DMD: variants seen among roughly 807,000 people sequenced by gnomAD.
DMD encodes dystrophin.
Under a neutral mutation model 330.1 loss-of-function variants are expected in DMD, and 63 were observed. The ratio of observed to expected loss-of-function variants is 0.19; its 90% CI spans 0.16 to 0.24. The LOEUF (loss-of-function observed/expected upper bound fraction) is 0.24. Among genes scored for constraint, DMD ranks in the 10% least tolerant of loss-of-function variants. DMD has a pLI of 1.00. For synonymous variants in DMD, 1,223 were observed against 959.8 expected (o/e 1.27, Z -5.07); for missense variants, 3,344 against 2,684.1 (o/e 1.25, Z -5.43).
chrX:31,606,591 T>C (rs7057494), intron 55 of DMD, among the ~76,000 whole-genome samples: 27,949 of 110,912 alleles, frequency 0.25, 2,723 homozygotes, highest in Middle Eastern at 0.34. Flanking sequence ...TTCCTCTTCA[T>C]GGGATCACTG....
intron 1 of DMD, among the ~76,000 whole-genome samples, chrX:33,108,480 T>TA (rs1171160431): frequency 0.022 from 3 of 138 alleles, no homozygotes; most frequent in African/African-American, 0.065. Flanking sequence ...TTGGCCAGGC[T>TA]GGCTCAAACT....
At chrX:31,252,810 G>A (rs897735145) in intron 63 of DMD, among the ~76,000 whole-genome samples, 1 of 111,364 alleles carries the variant, frequency 9.0e-6, no homozygotes, top group African/African-American at 3.3e-5. Flanking sequence ...TCAAGAGATC[G>A]AGACCATCCT....
intron 1 of DMD, among the ~76,000 whole-genome samples, chrX:33,067,784 G>A (rs1282155834): frequency 2.7e-5 from 3 of 111,563 alleles, no homozygotes; most frequent in African/African-American, 9.8e-5. Context: ...GGTGGAGGTT[G>A]CAGTGAGCCG....
chrX:31,191,423 C>T (rs2042341903), intron 67 of DMD, among the ~76,000 whole-genome samples: 1 of 111,072 alleles, frequency 9.0e-6, no homozygotes, highest in African/African-American at 3.3e-5. Flanking sequence ...TGGCTGTGTC[C>T]CCACCCAAAT....
At chrX:32,730,521 G>A (rs2067451872) in intron 7 of DMD, among the ~76,000 whole-genome samples, 1 of 112,012 alleles carries the variant, frequency 8.9e-6, no homozygotes. Flanking sequence ...ACAGAAGAGT[G>A]TCTTCCTAGG....
chrX:32,646,493 C>T (rs947792331), intron 9 of DMD, among the ~76,000 whole-genome samples: 3 of 110,862 alleles, frequency 2.7e-5, no homozygotes, highest in Non-Finnish European at 5.7e-5. Context: ...GCACGGGGCC[C>T]CCTAACAAAC....
chrX:32,044,425 T>A (rs2096040544), intron 44 of DMD, among the ~76,000 whole-genome samples: 1 of 96,232 alleles, frequency 1.0e-5, no homozygotes, highest in Non-Finnish European at 2.2e-5. Context: ...TATTTATTTA[T>A]TTAATTTTTT....
intron 44 of DMD, among the ~76,000 whole-genome samples, chrX:32,004,882 C>G (rs2095650749): frequency 1.8e-5 from 2 of 111,526 alleles, no homozygotes; most frequent in Admixed American, 9.5e-5. Context: ...TCCATAATAT[C>G]CTCTAAAAAG....
In DMD at chrX:32,880,641, G is replaced by A. The variant is rs1403045620; in HGVS notation, c.94-30821C>T. Among the ~76,000 whole-genome samples, 12 of 112,732 alleles carry A rather than the reference G, an allele frequency of 1.1e-4. No individual in the cohort carries two copies. The Admixed American group carries it at 1.1e-3, about 11-fold the overall frequency. ...GTATATGGCAGAATCTCAAAACTGA[G>A]TTAAAAAGACTAAGATTTCTGGGCT... On this transcript the variant is annotated intron_variant, in intron 2 of 78. Transcript: ENST00000357033.
intron 71 of DMD, among the ~76,000 whole-genome samples, chrX:31,175,472 C>G (rs1464154344): frequency 9.0e-6 from 1 of 110,953 alleles, no homozygotes; most frequent in East Asian, 2.8e-4. Flanking sequence ...AGCACAAGAA[C>G]TTACAATAAC....
intron 9 of DMD, among the ~76,000 whole-genome samples, chrX:32,650,174 G>T (rs2060053933): frequency 8.9e-6 from 1 of 111,735 alleles, no homozygotes; most frequent in South Asian, 3.7e-4. Flanking sequence ...CTATGAGAGG[G>T]CACAGTCTAT....
In DMD at chrX:32,546,102, T is replaced by C. The variant is rs932842850; in HGVS notation, c.1993-768A>G. Among the ~76,000 whole-genome samples, 5 of 104,564 alleles carry C rather than the reference T, an allele frequency of 4.8e-5. No homozygotes were observed. In the Admixed American group the frequency reaches 5.5e-4, roughly 11 times the overall value. 90.8% of individuals were successfully genotyped at this position (104,564 alleles called of 115,157 possible). A position where few individuals can be genotyped will look rare whatever the true frequency, so the allele number is the denominator to read the frequency against. On this transcript the variant is annotated intron_variant, in intron 16 of 78. Transcript: ENST00000357033. ...CCGGGGGCAACAGTTCATCCATCTT[T>C]GGAATAATACATTTTGTGAGCCAAG...
chrX:31,374,537 T>C (rs1486708371), intron 60 of DMD, among the ~76,000 whole-genome samples: 5 of 106,680 alleles, frequency 4.7e-5, no homozygotes, highest in Non-Finnish European at 5.8e-5. Context: ...ATGGATGAAA[T>C]TGGAAATCAT....
intron 2 of DMD, among the ~76,000 whole-genome samples, chrX:32,978,204 T>G (rs147012615): frequency 8.9e-6 from 1 of 112,038 alleles, no homozygotes; most frequent in Non-Finnish European, 1.9e-5. Context: ...AACACAATTA[T>G]CTTTGAAGAA....
At chrX:33,302,329 T>C (rs990100747) in intron 1 of DMD, among the ~76,000 whole-genome samples, 1 of 111,605 alleles carries the variant, frequency 9.0e-6, no homozygotes, top group African/African-American at 3.3e-5. Flanking sequence ...CCAAAATGCT[T>C]TCAAAAACCA....
chrX:32,750,190 A>T (rs1161397955), intron 7 of DMD, among the ~76,000 whole-genome samples: 1 of 112,388 alleles, frequency 8.9e-6, no homozygotes, highest in Admixed American at 9.4e-5. Flanking sequence ...TATGTTAATC[A>T]TAAACTCTAT....
In DMD at chrX:31,737,173, A is replaced by G. The variant is rs755190389; in HGVS notation, c.7543-7425T>C. ...GGTAATAAGTGGCAGAACTTCTAAC[A>G]TAGGTAAGTTGGCCCCAAAGCCCAC... is the stretch of plus-strand genomic sequence containing the variant. On this transcript the variant is annotated intron_variant, in intron 51 of 78. Transcript: ENST00000357033. 7.1e-5 allele frequency among the ~76,000 whole-genome samples: 8 copies of G among 111,944 alleles called. No homozygotes were observed. The South Asian group carries it at 3.0e-3, about 42-fold the overall frequency.
rs1569553759 is a variant in DMD, at chrX:32,252,861, AATATATAAATATATAAAAAT to A, written c.6290+34648_6290+34667del. 5.5e-4 allele frequency among the ~76,000 whole-genome samples: 34 copies of A among 61,410 alleles called. 2 individuals are homozygous for A. The South Asian group carries it at 0.017, about 31-fold the overall frequency. 53.3% of individuals were successfully genotyped at this position (61,410 alleles called of 115,157 possible). The stretch of plus-strand genomic sequence containing the variant: ...ATATATAAATATATAAATATATATA[AATATATAAATATATAAAAAT>A]ATATATAAATATATATAAATATATA... On this transcript the variant is annotated intron_variant, in intron 43 of 78. Transcript: ENST00000357033.
chrX:31,523,460 T>C (rs1310954405), intron 55 of DMD, among the ~76,000 whole-genome samples: 1 of 111,633 alleles, frequency 9.0e-6, no homozygotes, highest in African/African-American at 3.3e-5. Context: ...AATGTGATTT[T>C]ACTTATTTAG....
Sources: gnomAD v4.1 joint callset for allele counts (sites outside exome capture counted in the v4.1 genomes callset) on GRCh38, gnomAD v4.1.1 for gene constraint, MANE v1.5 for transcripts, NCBI Gene and HGNC (gene_info 2026-07-23, HGNC 2026-07-21) for gene names.